OXR1: variants seen among roughly 807,000 people sequenced by gnomAD.
OXR1 encodes the protein oxidation resistance 1, also known as oxidation resistance protein 1.
Under a neutral mutation model 104.6 loss-of-function variants are expected in OXR1, and 41 were observed. The ratio of observed to expected loss-of-function variants is 0.39; its 90% CI spans 0.31 to 0.51. OXR1 has a LOEUF of 0.51. Among genes scored for constraint, OXR1 ranks in the 20% least tolerant of loss-of-function variants. The probability of loss-of-function intolerance (pLI) is 0.77; values close to 1 mark genes in which losing one functional copy is unlikely to be tolerated. For synonymous variants in OXR1, 348 were observed against 348.4 expected (o/e 1.00, Z 0.01); for missense variants, 955 against 1,031.9 (o/e 0.93, Z 1.02).
chr8:106,657,240 C>T (rs1217487184), intron 3 of OXR1, among the ~76,000 whole-genome samples: 2 of 151,406 alleles, frequency 1.3e-5, no homozygotes, highest in Non-Finnish European at 2.9e-5. Context: ...AATGGCACAA[C>T]GAACTTAAAA....
At chr8:106,600,795 A>G (rs967365473) in intron 3 of OXR1, among the ~76,000 whole-genome samples, 1 of 152,150 alleles carries the variant, frequency 6.6e-6, no homozygotes, top group Non-Finnish European at 1.5e-5. Flanking sequence ...CCTGCTTGCC[A>G]TTAGCATTGG....
chr8:106,710,645 C>A lies in OXR1; in HGVS notation c.1648C>A (p.Gln550Lys). The change falls in exon 10 of 17, where the codon CAA becomes AAA. Residue 550 changes from glutamine (Q) to lysine (K), a missense_variant. Coordinates refer to ENST00000517566, the MANE Select transcript of OXR1 (RefSeq NM_001198533.2). The part of the protein sequence containing the change: ...IESSALLKEK[Q>K]RHRLHKFLCL... ...AGGTTCTGCACTTTTAAAAGAAAAG[C>A]AAAGGCATCGATTACATAAGTTCTT... is the stretch of plus-strand genomic sequence containing the variant. 1 of 1,587,246 alleles carries A rather than the reference C, an allele frequency of 6.3e-7. No individual in the cohort carries two copies. The highest frequency in any genetic ancestry group is 8.6e-7 in the Non-Finnish European group (1 of 1,167,892).
At chr8:106,539,530 G>A (rs1331606599) in intron 3 of OXR1, among the ~76,000 whole-genome samples, 4 of 152,074 alleles carry the variant, frequency 2.6e-5, no homozygotes, top group East Asian at 3.9e-4. Context: ...AATTAAGCTC[G>A]GTAAACATAT....
intron 9 of OXR1, among the ~76,000 whole-genome samples, chr8:106,709,620 A>G (rs1346475837): frequency 6.6e-6 from 1 of 151,546 alleles, no homozygotes; most frequent in Non-Finnish European, 1.5e-5. Flanking sequence ...GGGTTAGGGG[A>G]GGTTATTATA....
At chr8:106,358,535 T>C (rs1380100947) in intron 1 of OXR1, among the ~76,000 whole-genome samples, 3 of 152,228 alleles carry the variant, frequency 2.0e-5, no homozygotes, top group African/African-American at 7.2e-5. Flanking sequence ...AACAATGTCT[T>C]ATTCATTCAT....
rs114289066 is a variant in OXR1, at chr8:106,462,412, C to A, written c.24-56531C>A. ...TTTGTTTTTTCACCTCTGTTTAAAT[C>A]ATTACCCATTCATATACTCTACAAT... is the stretch of plus-strand genomic sequence containing the variant. On this transcript the variant is annotated intron_variant, in intron 2 of 16. Coordinates refer to ENST00000517566, the MANE Select transcript of OXR1 (RefSeq NM_001198533.2). 4.5e-3 allele frequency among the ~76,000 whole-genome samples: 689 copies of A among 152,228 alleles called. 5 individuals are homozygous for A. The highest frequency in any genetic ancestry group is 0.016 in the African/African-American group (655 of 41,560).
At chr8:106,684,731 A>G (rs1828523023) in intron 6 of OXR1, among the ~76,000 whole-genome samples, 1 of 152,198 alleles carries the variant, frequency 6.6e-6, no homozygotes. Context: ...TATAGTACTT[A>G]GAACTCTTGA....
intron 2 of OXR1, among the ~76,000 whole-genome samples, chr8:106,404,878 T>C (rs1367246133): frequency 6.6e-6 from 1 of 151,986 alleles, no homozygotes; most frequent in South Asian, 2.1e-4. Flanking sequence ...GCTAATTTTT[T>C]GTATTTTTAG....
chr8:106,487,820 C>G (rs887154042), intron 2 of OXR1, among the ~76,000 whole-genome samples: 5 of 151,670 alleles, frequency 3.3e-5, no homozygotes, highest in African/African-American at 1.2e-4. Flanking sequence ...TCCAGTCTAT[C>G]ATTGTTGGAC....
At chr8:106,600,176 T>C (rs1819861275) in intron 3 of OXR1, among the ~76,000 whole-genome samples, 1 of 152,162 alleles carries the variant, frequency 6.6e-6, no homozygotes. Context: ...GCAGTTACAA[T>C]GGATGAGCAT....
intron 3 of OXR1, among the ~76,000 whole-genome samples, chr8:106,640,608 A>C (rs1471612685): frequency 6.6e-6 from 1 of 152,090 alleles, no homozygotes; most frequent in East Asian, 1.9e-4. Context: ...TGTATATTTA[A>C]AGTGTGAATA....
chr8:106,672,107 C>A (rs924628588), intron 3 of OXR1, among the ~76,000 whole-genome samples: 2 of 151,194 alleles, frequency 1.3e-5, no homozygotes, highest in African/African-American at 2.4e-5. Context: ...TGGGGAAAAA[C>A]CGGAGTTAAT....
chr8:106,656,940 C>T (rs568918525), intron 3 of OXR1, among the ~76,000 whole-genome samples: 1 of 151,744 alleles, frequency 6.6e-6, no homozygotes, highest in Non-Finnish European at 1.5e-5. Flanking sequence ...AGTTCATCAA[C>T]TTCCTAAGTA....
At chr8:106,373,757 T>A (rs1257072376) in intron 2 of OXR1, among the ~76,000 whole-genome samples, 1 of 152,172 alleles carries the variant, frequency 6.6e-6, no homozygotes, top group Non-Finnish European at 1.5e-5. Flanking sequence ...ACCTGGCTAG[T>A]TTCTGTATTT....
At chr8:106,343,728 G>A (rs760387336) in intron 1 of OXR1, among the ~76,000 whole-genome samples, 29 of 152,194 alleles carry the variant, frequency 1.9e-4, no homozygotes, top group Non-Finnish European at 3.8e-4. Flanking sequence ...AACTCTTGCT[G>A]GAAGAATGGA....
chr8:106,673,470 A>G (rs1827246314), intron 3 of OXR1, among the ~76,000 whole-genome samples: 1 of 152,238 alleles, frequency 6.6e-6, no homozygotes, highest in Non-Finnish European at 1.5e-5. Flanking sequence ...GCTTATGTTT[A>G]AATGGGAAGC....
intron 1 of OXR1, among the ~76,000 whole-genome samples, chr8:106,326,223 A>G (rs1255455145): frequency 6.6e-6 from 1 of 152,224 alleles, no homozygotes; most frequent in Admixed American, 6.5e-5. Flanking sequence ...AGCATTCCCA[A>G]GGTAAAGCAG....
intron 3 of OXR1, among the ~76,000 whole-genome samples, chr8:106,628,833 T>C (rs2130880850): frequency 6.6e-6 from 1 of 152,266 alleles, no homozygotes; most frequent in East Asian, 1.9e-4. Context: ...CCTCAGGGAT[T>C]AGCATCTTGA....
intron 2 of OXR1, among the ~76,000 whole-genome samples, chr8:106,512,284 T>G (rs1446931451): frequency 6.6e-6 from 1 of 152,206 alleles, no homozygotes; most frequent in Non-Finnish European, 1.5e-5. Context: ...TATTCTGTTA[T>G]TCTCAATGTA....
Sources: allele counts gnomAD v4.1 joint callset (sites outside exome capture counted in the v4.1 genomes callset), GRCh38; gene constraint gnomAD v4.1.1; transcripts MANE v1.5; gene names NCBI Gene and HGNC (gene_info 2026-07-23, HGNC 2026-07-21).